Variants in EPHA6 observed in about 807,000 individuals in gnomAD.
EPHA6 encodes the protein ephrin type-A receptor 6.
EPHA6 carries 50 observed loss-of-function variants against 112.0 expected under a neutral mutation model. The observed-to-expected ratio is 0.45, with a 90% CI of 0.36 to 0.56. The LOEUF (loss-of-function observed/expected upper bound fraction) is 0.56, where lower values mean the gene tolerates loss of function less well. Among genes scored for constraint, EPHA6 ranks in the 20% least tolerant of loss-of-function variants. The pLI is 0.00. For synonymous variants in EPHA6, 529 were observed against 490.7 expected (o/e 1.08, Z -1.03); for missense variants, 1,280 against 1,417.4 (o/e 0.90, Z 1.56).
chr3:97,297,640 A>C (rs541312283), intron 5 of EPHA6, among the ~76,000 whole-genome samples: 147 of 152,322 alleles, frequency 9.7e-4, no homozygotes, highest in Non-Finnish European at 9.3e-4. Flanking sequence ...ATATCTCAAG[A>C]TGGATTAACT....
At chr3:97,520,366 A>G (rs9853710) in intron 10 of EPHA6, among the ~76,000 whole-genome samples, 3 of 152,020 alleles carry the variant, frequency 2.0e-5, no homozygotes. Context: ...CCAGGTGTAG[A>G]CCTTCCTTAA....
At chr3:96,878,834 T>A (rs1176750571) in intron 2 of EPHA6, among the ~76,000 whole-genome samples, 1 of 152,068 alleles carries the variant, frequency 6.6e-6, no homozygotes, top group East Asian at 1.9e-4. Flanking sequence ...AGTTGAATGG[T>A]GAAAAACATA....
At chr3:97,211,844 C>G (rs900675252) in intron 3 of EPHA6, among the ~76,000 whole-genome samples, 5 of 152,106 alleles carry the variant, frequency 3.3e-5, no homozygotes, top group Non-Finnish European at 7.4e-5. Flanking sequence ...CCCATGTGAT[C>G]TAGTTTCAAA....
chr3:97,384,728 AT>A (rs2085956836), intron 5 of EPHA6, among the ~76,000 whole-genome samples: 1 of 152,184 alleles, frequency 6.6e-6, no homozygotes, highest in South Asian at 2.1e-4. Context: ...ATAACATGAA[AT>A]AATAGAAACA....
Position 97,479,334 on chromosome 3 carries a change from A to T in EPHA6, c.2044A>T (p.Lys682Ter). The part of the protein sequence containing the change: ...YIKAKMKSEE[K>*]RRNHLQNGHL... ...AAAAGCCAAGATGAAGTCAGAAGAG[A>T]AGAGAAGAAACCACTTACAGAATGG... Residue 682 changes from lysine to a stop codon, truncating the protein, a stop_gained, in exon 9 of 18, where the codon AAG becomes TAG. Transcript: ENST00000389672. LOFTEE classifies it high-confidence loss of function. 6.2e-7 allele frequency: 1 copy of T among 1,605,628 alleles called. No homozygotes were observed. The highest frequency in any genetic ancestry group is 1.1e-5 in the South Asian group (1 of 88,926).
chr3:97,116,298 AATG>A (rs888950164), intron 3 of EPHA6, among the ~76,000 whole-genome samples: 1 of 151,846 alleles, frequency 6.6e-6, no homozygotes, highest in South Asian at 2.1e-4. Context: ...TACATTTTAA[AATG>A]ATGACCACAG....
At position 97,752,642 on chromosome 3, in the gene EPHA6, C is replaced by A. The variant is rs926345598; in HGVS notation, c.*3941C>A. Among the ~76,000 whole-genome samples the A allele has an allele frequency of 6.6e-5, 10 of 152,064 alleles. No individual in the cohort carries two copies. The highest frequency in any genetic ancestry group is 2.2e-4 in the African/African-American group (9 of 41,426). ...TGCAAAAGCTATAATATTTTGGGTT[C>A]TATCACATAATTGAGAACATTTGTA... On this transcript the variant is annotated 3_prime_UTR_variant, in exon 18 of 18. Coordinates refer to ENST00000389672, the MANE Select transcript of EPHA6 (RefSeq NM_001080448.3).
chr3:96,939,849 T>C (rs1398703220), intron 2 of EPHA6, among the ~76,000 whole-genome samples: 1 of 152,206 alleles, frequency 6.6e-6, no homozygotes, highest in South Asian at 2.1e-4. Context: ...TCTGCCTTCA[T>C]TTTGTTATGT....
At chr3:97,744,700 T>C (rs942390641) in intron 16 of EPHA6, among the ~76,000 whole-genome samples, 1 of 151,944 alleles carries the variant, frequency 6.6e-6, no homozygotes. Context: ...CCATGACCTT[T>C]TATACTAAGG....
intron 14 of EPHA6, among the ~76,000 whole-genome samples, chr3:97,643,674 AAAG>A (rs1422226009): frequency 3.3e-5 from 5 of 152,084 alleles, no homozygotes; most frequent in Non-Finnish European, 5.9e-5. Flanking sequence ...TTAAACCAAC[AAAG>A]ATCAAAAGAG....
chr3:97,227,783 A>G (rs1042712206), intron 4 of EPHA6, among the ~76,000 whole-genome samples: 8 of 152,222 alleles, frequency 5.3e-5, no homozygotes, highest in Admixed American at 5.2e-4. Context: ...GCACAACCCA[A>G]GGGTGGAGTT....
At chr3:97,199,681 C>T (rs777850793) in intron 3 of EPHA6, among the ~76,000 whole-genome samples, 4 of 152,098 alleles carry the variant, frequency 2.6e-5, no homozygotes, top group African/African-American at 9.7e-5. Context: ...TTATTGTAAC[C>T]AAGCTCTCAA....
chr3:97,632,228 C>T (rs745440668), intron 13 of EPHA6, among the ~76,000 whole-genome samples: 1 of 151,976 alleles, frequency 6.6e-6, no homozygotes, highest in African/African-American at 2.4e-5. Context: ...AAAAGCTTCA[C>T]TCCTCTAAGA....
chr3:96,976,499 A>G (rs2042529246), intron 2 of EPHA6, among the ~76,000 whole-genome samples: 1 of 152,232 alleles, frequency 6.6e-6, no homozygotes, highest in African/African-American at 2.4e-5. Context: ...TGACGTTAAA[A>G]AAAGGCTTTT....
At chr3:97,115,199 G>A (rs1267649603) in intron 3 of EPHA6, among the ~76,000 whole-genome samples, 3 of 151,860 alleles carry the variant, frequency 2.0e-5, no homozygotes, top group Non-Finnish European at 2.9e-5. Context: ...GAGAAAGAGG[G>A]CAACTTAAAT....
chr3:97,470,044 T>C lies in EPHA6; in HGVS notation c.1895-5308T>C, dbSNP rs115980941. Among the ~76,000 whole-genome samples, 799 of 151,796 alleles carry C rather than the reference T, an allele frequency of 5.3e-3. 8 individuals are homozygous for C. Among genetic ancestry groups the C allele is most frequent in the African/African-American group, 0.019 (769 of 41,516 alleles). On this transcript the variant is annotated intron_variant, in intron 7 of 17. Coordinates refer to ENST00000389672, the MANE Select transcript of EPHA6 (RefSeq NM_001080448.3). Reference sequence around the variant, plus strand: ...AATATCATCTACAAAGTCACAAGTTTATGTTCATCTAGAAGATATGTTTCC... The same window carrying C: ...AATATCATCTACAAAGTCACAAGTTCATGTTCATCTAGAAGATATGTTTCC...
chr3:97,504,460 C>T (rs918665119), intron 10 of EPHA6, among the ~76,000 whole-genome samples: 1 of 152,206 alleles, frequency 6.6e-6, no homozygotes, highest in African/African-American at 2.4e-5. Context: ...CCACCCCATC[C>T]TCCTAGTGTG....
intron 3 of EPHA6, among the ~76,000 whole-genome samples, chr3:97,005,833 T>C (rs1165248807): frequency 3.3e-5 from 5 of 152,202 alleles, no homozygotes; most frequent in Admixed American, 1.3e-4. Context: ...TGAAGGGATA[T>C]TGAATTTTAC....
At chr3:97,097,832 G>A (rs1053294838) in intron 3 of EPHA6, among the ~76,000 whole-genome samples, 2 of 151,860 alleles carry the variant, frequency 1.3e-5, no homozygotes, top group African/African-American at 4.8e-5. Flanking sequence ...TGCAGCTAAT[G>A]TATCCAAAAA....
Sources: gnomAD v4.1 joint callset for allele counts (sites outside exome capture counted in the v4.1 genomes callset) on GRCh38, gnomAD v4.1.1 for gene constraint, MANE v1.5 for transcripts, NCBI Gene and HGNC (gene_info 2026-07-23, HGNC 2026-07-21) for gene names.